The following DNAH7 variants were observed in gnomAD, a reference collection of about 807,000 sequenced individuals.
DNAH7 encodes the protein dynein axonemal heavy chain 7.
Under a neutral mutation model 444.6 loss-of-function variants are expected in DNAH7, and 397 were observed. The observed-to-expected ratio is 0.89, with a 90% CI of 0.82 to 0.97. The LOEUF is 0.97. Ranked by LOEUF, DNAH7 falls within the 50% of genes least tolerant of loss-of-function variation. The pLI, the probability that DNAH7 is intolerant of heterozygous loss-of-function variation, is 0.00. For missense variants in DNAH7, 4,902 were observed against 4,800.8 expected, an observed-to-expected ratio of 1.02 and a Z score of -0.62; for synonymous variants, 1,636 against 1,624.4, an observed-to-expected ratio of 1.01 and a Z score of -0.17.
At chr2:195,976,743 C>CAGAGAGAGAGAGAG (rs1692212889) in intron 15 of DNAH7, among the ~76,000 whole-genome samples, 9 of 18,350 alleles carry the variant, frequency 4.9e-4, no homozygotes, top group Non-Finnish European at 1.4e-3. Context: ...GACAGAGAGG[C>CAGAGAGAGAGAGAG]AGACAGAGAG....
At chr2:195,957,928 C>T (rs181844043) in intron 18 of DNAH7, among the ~76,000 whole-genome samples, 1 of 152,050 alleles carries the variant, frequency 6.6e-6, no homozygotes, top group Non-Finnish European at 1.5e-5. Flanking sequence ...TATTCCCAAT[C>T]AAGGGTACTC....
At chr2:195,815,350 T>A (rs1208034827) in intron 51 of DNAH7, among the ~76,000 whole-genome samples, 1 of 152,166 alleles carries the variant, frequency 6.6e-6, no homozygotes, top group Non-Finnish European at 1.5e-5. Context: ...TATATATCTA[T>A]ATATATTTTT....
At chr2:196,064,241 G>A (rs1017821117) in intron 1 of DNAH7, among the ~76,000 whole-genome samples, 2 of 151,852 alleles carry the variant, frequency 1.3e-5, no homozygotes, top group Non-Finnish European at 2.9e-5. Flanking sequence ...CGTGAACCTT[G>A]GGAGGTGGAG....
At chr2:196,010,068 G>A (rs1325000383) in intron 10 of DNAH7, among the ~76,000 whole-genome samples, 1 of 152,004 alleles carries the variant, frequency 6.6e-6, no homozygotes, top group African/African-American at 2.4e-5. Flanking sequence ...ACAGATGCTG[G>A]CAAGGATGTA....
chr2:195,822,570 T>C (rs1697523043), intron 49 of DNAH7, among the ~76,000 whole-genome samples: 1 of 152,162 alleles, frequency 6.6e-6, no homozygotes, highest in African/African-American at 2.4e-5. Context: ...AGCAAGTAAC[T>C]GCCTCACTAT....
At chr2:196,049,250 C>T (rs190794010) in intron 3 of DNAH7, among the ~76,000 whole-genome samples, 23 of 152,296 alleles carry the variant, frequency 1.5e-4, no homozygotes, top group Admixed American at 1.2e-3. Context: ...ACTACCTGTA[C>T]ACAAGTCCTT....
At chr2:196,028,669 A>T (rs1388172524) in intron 5 of DNAH7, among the ~76,000 whole-genome samples, 2 of 152,200 alleles carry the variant, frequency 1.3e-5, no homozygotes, top group Non-Finnish European at 2.9e-5. Context: ...CTGGGCAGAA[A>T]GGCATAGTTC....
At chr2:195,986,346 TA>T (rs1692907364) in intron 14 of DNAH7, among the ~76,000 whole-genome samples, 1 of 152,190 alleles carries the variant, frequency 6.6e-6, no homozygotes, top group African/African-American at 2.4e-5. Context: ...GGTAGGTAAA[TA>T]AAACTTCCTT....
Position 195,845,795 on chromosome 2 carries a change from T to C in DNAH7, c.8782-630A>G, listed in dbSNP as rs1283916407. 2.0e-5 allele frequency among the ~76,000 whole-genome samples: 3 copies of C among 152,196 alleles called. No homozygotes were observed. The East Asian group carries it at 5.8e-4, about 29-fold the overall frequency. ...ATTCAATAAATGGTGCTAGGGTAAC[T>C]GGCTAGCCATATGCAGAAGACTGAA... On this transcript the variant is annotated intron_variant, in intron 46 of 64. Transcript: ENST00000312428.
chr2:195,881,869 C>A lies in DNAH7; in HGVS notation c.5887G>T (p.Glu1963Ter), dbSNP rs777128721. 1.2e-5 allele frequency: 19 copies of A among 1,613,884 alleles called. No homozygotes were observed. Among genetic ancestry groups the A allele is most frequent in the Non-Finnish European group, 1.4e-5 (17 of 1,179,946 alleles). ...GGCTTTTGATGGGTGGTCAGCAATTCCATTAATGCAGAGTATCGAATTGTG... is the reference window on the plus strand; with the variant it reads ...GGCTTTTGATGGGTGGTCAGCAATTACATTAATGCAGAGTATCGAATTGTG... ...LDTIRYSALM[E>*]LLTTHQKPSI... Residue 1963 changes from glutamate to a stop codon, truncating the protein, a stop_gained, in exon 36 of 65, where the codon GAA becomes TAA. Coordinates refer to ENST00000312428, the MANE Select transcript of DNAH7 (RefSeq NM_018897.3). LOFTEE classifies it high-confidence loss of function.
chr2:195,928,128 C>T (rs4452163), intron 21 of DNAH7, among the ~76,000 whole-genome samples: 151,459 of 152,226 alleles, frequency 0.99, 75,347 homozygotes, highest in Middle Eastern at 1. Flanking sequence ...TTTATGTCCA[C>T]GTGTGCTCAG....
chr2:195,858,389 G>T, intron 43 of DNAH7, 85 bp downstream of exon 43: 1 of 1,129,244 alleles, frequency 8.9e-7, no homozygotes, highest in South Asian at 2.4e-5. Flanking sequence ...AATTCGGAGA[G>T]ACAAACTAGA....
Position 195,997,676 on chromosome 2 carries a change from G to GA in DNAH7, c.1353+3027dup, listed in dbSNP as rs145901598. On this transcript the variant is annotated intron_variant, in intron 12 of 64. Transcript: ENST00000312428. ...AACCCATTGCAGGTTTACCTTCCATGAAAAAAAAAAGTGTATTTTAGTTCA... is the reference window on the plus strand; with the variant it reads ...AACCCATTGCAGGTTTACCTTCCATGAAAAAAAAAAAGTGTATTTTAGTTCA... 0.025 allele frequency among the ~76,000 whole-genome samples: 3,708 copies of GA among 147,668 alleles called. 299 individuals are homozygous for GA. The East Asian group carries it at 0.27, about 11-fold the overall frequency.
intron 24 of DNAH7, among the ~76,000 whole-genome samples, chr2:195,911,862 G>A (rs1687378069): frequency 6.6e-6 from 1 of 152,148 alleles, no homozygotes; most frequent in Non-Finnish European, 1.5e-5. Flanking sequence ...CTAGTAAGGG[G>A]AAGAAAATTA....
At chr2:195,971,054 A>T (rs544091957) in intron 16 of DNAH7, among the ~76,000 whole-genome samples, 58 of 152,332 alleles carry the variant, frequency 3.8e-4, no homozygotes, top group South Asian at 2.7e-3. Context: ...TGCAGTTTTT[A>T]AAAAAATCTG....
At chr2:196,054,232 T>C (rs1379582108) in intron 2 of DNAH7, among the ~76,000 whole-genome samples, 2 of 152,178 alleles carry the variant, frequency 1.3e-5, no homozygotes, top group African/African-American at 4.8e-5. Context: ...TTGTTTAAAT[T>C]ATTTTTGGCT....
At chr2:195,988,298 A>T in intron 12 of DNAH7, 69 bp from the exon 13 acceptor site, 1 of 1,301,568 alleles carries the variant, frequency 7.7e-7, no homozygotes, top group Non-Finnish European at 1.0e-6. Flanking sequence ...ATCTTTGTAC[A>T]AACGCCAATC....
chr2:195,798,605 G>T (rs980877554), intron 55 of DNAH7, among the ~76,000 whole-genome samples: 1 of 141,332 alleles, frequency 7.1e-6, no homozygotes, highest in African/African-American at 2.7e-5. Flanking sequence ...GTGCTATGGC[G>T]TGATCTCGGC....
At chr2:195,956,572 G>C (rs1479574917) in intron 19 of DNAH7, among the ~76,000 whole-genome samples, 1 of 151,806 alleles carries the variant, frequency 6.6e-6, no homozygotes, top group Non-Finnish European at 1.5e-5. Flanking sequence ...AATCACTTGA[G>C]CCTGGGAGGC....
Sources: allele counts gnomAD v4.1 joint callset (sites outside exome capture counted in the v4.1 genomes callset), GRCh38; gene constraint gnomAD v4.1.1; transcripts MANE v1.5; gene names NCBI Gene and HGNC (gene_info 2026-07-23, HGNC 2026-07-21).